The following DAB1 variants were observed in gnomAD, a reference collection of about 807,000 sequenced individuals.
DAB1 encodes DAB adaptor protein 1.
Under a neutral mutation model 64.6 loss-of-function variants are expected in DAB1, and 15 were observed. The observed-to-expected ratio is 0.23, with a 90% CI of 0.16 to 0.36. The LOEUF is 0.36. DAB1 is among the 10% of genes least tolerant of loss of function. The probability of loss-of-function intolerance (pLI) is 1.00; values close to 1 mark genes in which losing one functional copy is unlikely to be tolerated. For synonymous variants in DAB1, 235 were observed against 251.9 expected (o/e 0.93, Z 0.64); for missense variants, 596 against 706.7 (o/e 0.84, Z 1.78).
chr1:58,272,673 G>A (rs1023675673), intron 4 of DAB1, among the ~76,000 whole-genome samples: 6 of 148,074 alleles, frequency 4.1e-5, no homozygotes, highest in African/African-American at 1.5e-4. Context: ...TCTCTTTGTA[G>A]GTCACTCACG....
chr1:57,145,321 T>C lies in DAB1; in HGVS notation c.176A>G (p.Lys59Arg), dbSNP rs759162788. Reference sequence around the variant, plus strand: ...TTTCATCATGGAATCTTGACATAACTTGTCTCCCCGAGCTGCGGAAACTTC... The same window carrying C: ...TTTCATCATGGAATCTTGACATAACCTGTCTCCCCGAGCTGCGGAAACTTC... ...IDEVSAARGD[K>R]LCQDSMMKLK... The change falls in exon 3 of 15, where the codon AAG becomes AGG. Residue 59 changes from lysine (K) to arginine (R), a missense_variant. Physicochemically the swap from Lys to Arg is conservative, Grantham distance 26. Around this residue, in one of 3 missense-constraint regions of DAB1, gnomAD observed 176 missense variants for 266.7 expected, o/e 0.66. Coordinates refer to ENST00000371236, the MANE Select transcript of DAB1 (RefSeq NM_001365792.1). The C allele has an allele frequency of 1.9e-6, 3 of 1,614,138 alleles. No homozygotes were observed. The South Asian group carries it at 3.3e-5, about 18-fold the overall frequency.
chr1:57,424,230 C>T (rs1214111359), upstream of DAB1, among the ~76,000 whole-genome samples: 2 of 150,830 alleles, frequency 1.3e-5, no homozygotes, highest in African/African-American at 4.8e-5. Context: ...GGGCCGTGAG[C>T]CCCTCGCCCC....
chr1:58,250,471 A>G (rs553407383), intron 4 of DAB1, among the ~76,000 whole-genome samples: 201 of 152,338 alleles, frequency 1.3e-3, no homozygotes, highest in African/African-American at 4.7e-3. Flanking sequence ...TAGCAACAGC[A>G]GCAGTAGCAG....
At chr1:57,899,278 T>G (rs1456423308) in intron 5 of DAB1, among the ~76,000 whole-genome samples, 1 of 152,166 alleles carries the variant, frequency 6.6e-6, no homozygotes, top group Non-Finnish European at 1.5e-5. Context: ...TAATTTCATC[T>G]ATGTGTAAAG....
At chr1:57,456,422 T>A (rs1686595107) in intron 7 of DAB1, among the ~76,000 whole-genome samples, 1 of 152,182 alleles carries the variant, frequency 6.6e-6, no homozygotes, top group African/African-American at 2.4e-5. Context: ...GCTTTGAGGT[T>A]CTGATCACCA....
In DAB1 at chr1:57,677,223, C is replaced by G. The variant is rs978554886; in HGVS notation, n.552-27558G>C. ...ATGATACCTTGATCTTGGACTTTAG[C>G]TTCCAGAACTTTGAGAAAAATAAAA... On this transcript the variant is annotated intron_variant and non_coding_transcript_variant, in intron 6 of 20. Transcript: ENST00000485760. 5.3e-5 allele frequency among the ~76,000 whole-genome samples: 8 copies of G among 152,184 alleles called. No homozygotes were observed. The South Asian group carries it at 1.4e-3, about 28-fold the overall frequency.
chr1:57,285,256 C>T (rs926715746), intron 2 of DAB1, among the ~76,000 whole-genome samples: 2 of 151,988 alleles, frequency 1.3e-5, no homozygotes, highest in African/African-American at 4.8e-5. Flanking sequence ...GTATCTCCCT[C>T]ACCTTTCTTT....
chr1:57,606,038 G>T (rs1246684436), intron 7 of DAB1: 2 of 624,724 alleles, frequency 3.2e-6, no homozygotes, highest in East Asian at 6.1e-5. Context: ...ATCTTGGTAG[G>T]TATTCAAACT....
chr1:57,413,437 T>C (rs1386114947), intron 1 of DAB1, among the ~76,000 whole-genome samples: 1 of 152,110 alleles, frequency 6.6e-6, no homozygotes, highest in African/African-American at 2.4e-5. Context: ...TTTAAAATAT[T>C]CTGTAAAGAA....
At chr1:58,192,458 T>C (rs1657438341) in intron 4 of DAB1, among the ~76,000 whole-genome samples, 1 of 152,184 alleles carries the variant, frequency 6.6e-6, no homozygotes, top group African/African-American at 2.4e-5. Flanking sequence ...TCTATTATTC[T>C]ACTCTATGTG....
intron 4 of DAB1, among the ~76,000 whole-genome samples, chr1:58,296,905 G>C (rs1662008296): frequency 6.6e-6 from 1 of 152,158 alleles, no homozygotes; most frequent in South Asian, 2.1e-4. Flanking sequence ...TCATAGGGTT[G>C]TCCAGAGAAG....
intron 1 of DAB1, among the ~76,000 whole-genome samples, chr1:57,838,290 C>T (rs1652901433): frequency 6.6e-6 from 1 of 151,858 alleles, no homozygotes; most frequent in African/African-American, 2.4e-5. Context: ...AAATATAATC[C>T]CAATATTTTG....
intron 5 of DAB1, among the ~76,000 whole-genome samples, chr1:58,051,903 C>A (rs1647698048): frequency 6.6e-6 from 1 of 151,920 alleles, no homozygotes; most frequent in Non-Finnish European, 1.5e-5. Context: ...TTGTTTTTTT[C>A]TTGTAAATTT....
chr1:58,431,104 C>T (rs868751771), intron 3 of DAB1, among the ~76,000 whole-genome samples: 1 of 152,148 alleles, frequency 6.6e-6, no homozygotes, highest in South Asian at 2.1e-4. Context: ...TTGGGAACTC[C>T]AACATCCAGA....
At chr1:58,329,540 C>T (rs1662922868) in intron 4 of DAB1, among the ~76,000 whole-genome samples, 1 of 152,110 alleles carries the variant, frequency 6.6e-6, no homozygotes, top group Admixed American at 6.6e-5. Flanking sequence ...TGCAGGCATA[C>T]CTTGTATTAT....
chr1:57,212,363 T>A (rs1666082435), intron 2 of DAB1, among the ~76,000 whole-genome samples: 1 of 114,830 alleles, frequency 8.7e-6, no homozygotes, highest in Non-Finnish European at 1.8e-5. Flanking sequence ...TATTTCCTTT[T>A]TTTTTTTTTT....
At chr1:57,772,969 G>A (rs1649627189) in intron 6 of DAB1, among the ~76,000 whole-genome samples, 1 of 151,996 alleles carries the variant, frequency 6.6e-6, no homozygotes, top group African/African-American at 2.4e-5. Flanking sequence ...ACATACAGGA[G>A]AATACCATGT....
At chr1:57,125,200 T>A (rs909772067) in intron 4 of DAB1, among the ~76,000 whole-genome samples, 2 of 152,018 alleles carry the variant, frequency 1.3e-5, no homozygotes, top group East Asian at 1.9e-4. Context: ...GGACCTGGGG[T>A]ACACAGGCAT....
At chr1:57,440,663 T>C (rs1462837722) in intron 7 of DAB1, among the ~76,000 whole-genome samples, 1 of 152,188 alleles carries the variant, frequency 6.6e-6, no homozygotes, top group East Asian at 1.9e-4. Context: ...CTTGTCTGCC[T>C]TCTTATATTT....
Sources: gnomAD v4.1 joint callset for allele counts (sites outside exome capture counted in the v4.1 genomes callset) on GRCh38, gnomAD v4.1.1 for gene constraint, gnomAD v4.1.1 regional missense constraint, MANE v1.5 for transcripts, NCBI Gene and HGNC (gene_info 2026-07-23, HGNC 2026-07-21) for gene names.